The following IREB2 variants were observed in gnomAD, a reference collection of about 807,000 sequenced individuals.
IREB2 encodes iron-responsive element-binding protein 2.
A neutral mutation model predicts 118.8 loss-of-function variants in IREB2; 39 were observed. The observed-to-expected ratio is 0.33, with a 90% CI of 0.25 to 0.43. IREB2 has a LOEUF of 0.43. Among genes scored for constraint, IREB2 ranks in the 20% least tolerant of loss-of-function variants. The pLI, the probability that IREB2 is intolerant of heterozygous loss-of-function variation, is 1.00. For missense variants in IREB2, 900 were observed against 1,147.3 expected, an observed-to-expected ratio of 0.78 and a Z score of 3.11; for synonymous variants, 372 against 392.2, an observed-to-expected ratio of 0.95 and a Z score of 0.61.
chr15:78,449,479 C>T (rs113442681), intron 2 of IREB2, among the ~76,000 whole-genome samples: 11 of 152,168 alleles, frequency 7.2e-5, no homozygotes, highest in African/African-American at 2.7e-4. Context: ...CAGGAAGGCA[C>T]ATGTCCTATA....
At chr15:78,478,905 G>A (rs2051520899) in intron 10 of IREB2, among the ~76,000 whole-genome samples, 1 of 152,004 alleles carries the variant, frequency 6.6e-6, no homozygotes, top group South Asian at 2.1e-4. Context: ...ATAGTTCCAG[G>A]CACATAGTAA....
At chr15:78,461,449 A>G (rs1000821942) in intron 2 of IREB2, among the ~76,000 whole-genome samples, 6 of 152,210 alleles carry the variant, frequency 3.9e-5, no homozygotes, top group African/African-American at 1.4e-4. Context: ...AAGTAGGTTA[A>G]CAAATACCAC....
At chr15:78,483,204 G>T in intron 10 of IREB2, 114 bp from the exon 11 acceptor site, 1 of 556,772 alleles carries the variant, frequency 1.8e-6, no homozygotes, top group Non-Finnish European at 3.2e-6. Flanking sequence ...AAAATAAATT[G>T]CATTAAAATA....
intron 2 of IREB2, among the ~76,000 whole-genome samples, chr15:78,458,806 A>G (rs1336468627): frequency 1.3e-5 from 2 of 152,168 alleles, no homozygotes; most frequent in Non-Finnish European, 2.9e-5. Context: ...CAATAAATAT[A>G]TTCGTTTTGT....
At chr15:78,465,212 A>C (rs201993554) in intron 3 of IREB2, 39 bp from the exon 4 acceptor site, 2 of 1,550,054 alleles carry the variant, frequency 1.3e-6, no homozygotes, top group Non-Finnish European at 1.8e-6. Flanking sequence ...TGTATAAAAA[A>C]CAATTTGGAC....
rs1385364897 is a variant in IREB2 at position 78,500,620 on chromosome 15, C to G, written c.*2477C>G. 6.7e-6 allele frequency: 1 copy of G among 150,296 alleles called. No individual in the cohort carries two copies. The highest frequency in any genetic ancestry group is 1.5e-5 in the Non-Finnish European group (1 of 67,760). The allele number at this position is 150,296 out of a possible 1,614,324, so 9.3% of individuals were successfully genotyped here. ...GTGTTGTAAGCTTAAAGTACAATTT[C>G]AAAGGTCACTACCAACAGCAGGGTT... On this transcript the variant is annotated 3_prime_UTR_variant, in exon 22 of 22. Transcript: ENST00000258886.
At chr15:78,446,450 C>T (rs1245829597) in intron 2 of IREB2, among the ~76,000 whole-genome samples, 1 of 152,096 alleles carries the variant, frequency 6.6e-6, no homozygotes, top group South Asian at 2.1e-4. Flanking sequence ...CTCCCCAGGC[C>T]AATGAAATGT....
intron 20 of IREB2, 95 bp from the exon 21 acceptor site, chr15:78,497,031 T>C: frequency 2.4e-6 from 2 of 831,758 alleles, no homozygotes; most frequent in South Asian, 1.6e-5. Context: ...TAAAAGTATT[T>C]AGAGAAAGGC....
chr15:78,439,711 T>C (rs1039353667), intron 1 of IREB2, 84 bp from the exon 2 acceptor site: 33 of 753,242 alleles, frequency 4.4e-5, no homozygotes, highest in Admixed American at 1.2e-4. Flanking sequence ...GAAAATTCTA[T>C]TGGATAAAGC....
At chr15:78,467,794 C>G (rs1038441568) in intron 5 of IREB2, among the ~76,000 whole-genome samples, 3 of 152,112 alleles carry the variant, frequency 2.0e-5, no homozygotes, top group African/African-American at 7.2e-5. Flanking sequence ...ACTATGTTGC[C>G]CATGCTGGTC....
Position 78,490,754 on chromosome 15 carries a change from A to G in IREB2, c.2317A>G (p.Asn773Asp), listed in dbSNP as rs765680573. ...RNSAAAKYLT[N>D]RGLTPREFNS... ...TAGTGCTGCCGCTAAGTATTTGACA[A>G]ACAGAGGGTATGTGTACATGGCTTT... is the stretch of plus-strand genomic sequence containing the variant. Residue 773 changes from asparagine to aspartate, a missense_variant, in exon 18 of 22, where the codon AAC (asparagine) becomes GAC (aspartate). Transcript: ENST00000258886. 4.3e-5 allele frequency: 70 copies of G among 1,613,964 alleles called. No individual in the cohort carries two copies. Among genetic ancestry groups the G allele is most frequent in the African/African-American group, 8.0e-5 (6 of 74,936 alleles).
At chr15:78,482,738 C>T (rs1034292407) in intron 10 of IREB2, among the ~76,000 whole-genome samples, 24 of 149,474 alleles carry the variant, frequency 1.6e-4, no homozygotes, top group African/African-American at 5.6e-4. Flanking sequence ...GGAAAAAACA[C>T]TTGGGAAACC....
chr15:78,480,107 A>G (rs767788090), intron 10 of IREB2: 3 of 152,168 alleles, frequency 2.0e-5, no homozygotes, highest in Non-Finnish European at 2.9e-5. Context: ...TTGGTATTGT[A>G]TCCCCAGCTC....
At chr15:78,457,056 TGTA>T (rs2051117906) in intron 2 of IREB2, among the ~76,000 whole-genome samples, 2 of 152,350 alleles carry the variant, frequency 1.3e-5, no homozygotes, top group Admixed American at 6.5e-5. Context: ...AGCCAATCCT[TGTA>T]GTAATGATGA....
chr15:78,491,886 AT>A (rs1214804237), intron 18 of IREB2, among the ~76,000 whole-genome samples: 1 of 152,136 alleles, frequency 6.6e-6, no homozygotes, highest in East Asian at 1.9e-4. Context: ...TCCTGTAAAT[AT>A]TTTTTTGGTT....
Position 78,438,217 on chromosome 15 carries a change from A to G in IREB2, c.-121A>G, listed in dbSNP as rs151337283. ...CTGCTGCTCTCGCGATATTTGCGCG[A>G]GCCTGCTTCCTTCTTTCCTCCCTTG... On this transcript the variant is annotated 5_prime_UTR_variant, in exon 1 of 22. Transcript: ENST00000258886. 2.9e-3 allele frequency: 2,234 copies of G among 776,652 alleles called. 34 individuals are homozygous for G. The African/African-American group carries it at 0.033, about 11-fold the overall frequency. 48.1% of individuals were successfully genotyped at this position (776,652 alleles called of 1,614,324 possible). A position where few individuals can be genotyped will look rare whatever the true frequency, so the allele number is the denominator to read the frequency against.
intron 10 of IREB2, chr15:78,481,949 A>T (rs1003779810): frequency 2.0e-5 from 3 of 152,238 alleles, no homozygotes; most frequent in African/African-American, 7.2e-5. Context: ...CATTAAATGA[A>T]AGTATAAGTA....
At chr15:78,447,879 G>A (rs2050957980) in intron 2 of IREB2, among the ~76,000 whole-genome samples, 1 of 152,236 alleles carries the variant, frequency 6.6e-6, no homozygotes, top group South Asian at 2.1e-4. Flanking sequence ...ATTTGTGCTT[G>A]GCGAACTCCC....
At chr15:78,449,442 A>G (rs2050986861) in intron 2 of IREB2, among the ~76,000 whole-genome samples, 1 of 152,200 alleles carries the variant, frequency 6.6e-6, no homozygotes, top group Admixed American at 6.5e-5. Flanking sequence ...AACAAGTGAA[A>G]TGTTCTGCTG....
Sources: allele counts gnomAD v4.1 joint callset (sites outside exome capture counted in the v4.1 genomes callset), GRCh38; gene constraint gnomAD v4.1.1; transcripts MANE v1.5; gene names NCBI Gene and HGNC (gene_info 2026-07-23, HGNC 2026-07-21).